The following HMBOX1 variants were observed in gnomAD, a reference collection of about 807,000 sequenced individuals.
The protein encoded by HMBOX1 is homeobox-containing protein 1.
HMBOX1 carries 14 observed loss-of-function variants against 54.5 expected under a neutral mutation model. That is an observed-to-expected ratio of 0.26 (90% CI 0.17 to 0.40). HMBOX1 has a LOEUF of 0.40. Ranked by LOEUF, HMBOX1 falls within the 10% of genes least tolerant of loss-of-function variation. The probability of loss-of-function intolerance (pLI) is 1.00; values close to 1 mark genes in which losing one functional copy is unlikely to be tolerated. For synonymous variants in HMBOX1, 160 were observed against 181.0 expected, an observed-to-expected ratio of 0.88 and a Z score of 0.93; for missense variants, 332 against 514.4, an observed-to-expected ratio of 0.65 and a Z score of 3.43.
intron 1 of HMBOX1, among the ~76,000 whole-genome samples, chr8:28,943,555 G>A (rs912734692): frequency 4.6e-5 from 7 of 152,180 alleles, no homozygotes; most frequent in African/African-American, 9.7e-5. Flanking sequence ...TTTCAGGAAG[G>A]AAAGGAAGGT....
At chr8:28,991,523 G>A (rs574497295) in intron 4 of HMBOX1, among the ~76,000 whole-genome samples, 2 of 152,228 alleles carry the variant, frequency 1.3e-5, no homozygotes, top group South Asian at 2.1e-4. Flanking sequence ...TGAACATGTC[G>A]ATTTTAAAGT....
At chr8:28,951,161 T>G (rs1432759180) in intron 1 of HMBOX1, among the ~76,000 whole-genome samples, 2 of 152,186 alleles carry the variant, frequency 1.3e-5, no homozygotes, top group Non-Finnish European at 1.5e-5. Context: ...TTGAGCAGAG[T>G]CTCACTCTGT....
At chr8:29,044,339 A>C (rs1265030593) in intron 6 of HMBOX1, among the ~76,000 whole-genome samples, 1 of 152,204 alleles carries the variant, frequency 6.6e-6, no homozygotes, top group East Asian at 1.9e-4. Flanking sequence ...TTCCAAGTTG[A>C]AACCATGAAA....
At chr8:28,976,906 A>C (rs1586220572) in intron 3 of HMBOX1, among the ~76,000 whole-genome samples, 1 of 152,060 alleles carries the variant, frequency 6.6e-6, no homozygotes, top group African/African-American at 2.4e-5. Context: ...ACGAGGTCTC[A>C]TCATGTTGGC....
Position 28,899,225 on chromosome 8 carries a change from G to C in HMBOX1, c.-58+8547G>C, listed in dbSNP as rs952336822. Among the ~76,000 whole-genome samples the C allele has an allele frequency of 2.0e-5, 3 of 152,148 alleles. 1 individual carries two copies. Among genetic ancestry groups the C allele is most frequent in the Admixed American group, 2.0e-4 (3 of 15,280 alleles). On this transcript the variant is annotated intron_variant, in intron 1 of 9. Transcript: ENST00000287701. ...CATGAACGTACTATCTCTACAGTTT[G>C]GATCACTAACCTACTAAGCATGAAA... is the stretch of plus-strand genomic sequence containing the variant.
At chr8:28,950,705 A>T (rs1036035682) in intron 1 of HMBOX1, among the ~76,000 whole-genome samples, 1 of 152,212 alleles carries the variant, frequency 6.6e-6, no homozygotes, top group Non-Finnish European at 1.5e-5. Flanking sequence ...AACTGTATAG[A>T]GGTAGAGATG....
intron 1 of HMBOX1, among the ~76,000 whole-genome samples, chr8:28,963,362 G>A (rs1007480241): frequency 6.6e-6 from 1 of 152,094 alleles, no homozygotes; most frequent in African/African-American, 2.4e-5. Flanking sequence ...AATATGAAAG[G>A]TTTCTAACTT....
chr8:28,977,957 A>G (rs1253071067), intron 3 of HMBOX1, among the ~76,000 whole-genome samples: 1 of 150,704 alleles, frequency 6.6e-6, no homozygotes, highest in African/African-American at 2.5e-5. Flanking sequence ...AAAAAAAAAA[A>G]AGAAAGAAAG....
intron 5 of HMBOX1, among the ~76,000 whole-genome samples, chr8:29,018,074 G>C (rs1030146064): frequency 1.3e-5 from 2 of 152,148 alleles, no homozygotes; most frequent in Non-Finnish European, 2.9e-5. Context: ...AGAAGAGTGG[G>C]GTAGCCAGGG....
At chr8:28,973,809 T>TTTTTTGTTTTG (rs1563501599) in intron 3 of HMBOX1, among the ~76,000 whole-genome samples, 1 of 11,234 alleles carries the variant, frequency 8.9e-5, no homozygotes, top group Non-Finnish European at 1.8e-4. Context: ...TGGAGTTTTT[T>TTTTTTGTTTTG]TTTTTTTTTT....
intron 1 of HMBOX1, among the ~76,000 whole-genome samples, chr8:28,900,764 T>C (rs1813102754): frequency 1.3e-5 from 2 of 152,202 alleles, no homozygotes; most frequent in Admixed American, 6.5e-5. Context: ...TCCTTTATTC[T>C]AATTTTCTGG....
intron 6 of HMBOX1, among the ~76,000 whole-genome samples, chr8:29,023,728 A>C (rs979552691): frequency 6.6e-6 from 1 of 152,152 alleles, no homozygotes; most frequent in Admixed American, 6.5e-5. Flanking sequence ...AAGATTGATC[A>C]GTGAATTCAG....
At position 29,008,988 on chromosome 8, in the gene HMBOX1, C is replaced by A. The variant is rs1402007459; in HGVS notation, c.587-84C>A. 3 of 1,021,058 alleles carry A rather than the reference C, an allele frequency of 2.9e-6. No individual in the cohort carries two copies. The East Asian group carries it at 7.2e-5, about 25-fold the overall frequency. The allele number at this position is 1,021,058 out of a possible 1,614,324, so 63.2% of individuals were successfully genotyped here. On this transcript the variant is annotated intron_variant, in intron 4 of 9. Coordinates refer to ENST00000287701, the MANE Select transcript of HMBOX1 (RefSeq NM_001135726.3). ...TGGACTGGACACAGAGAATAAAGCA[C>A]CCAGTAACCTAGAACCAAAAGATCC...
intron 1 of HMBOX1, chr8:28,924,537 CCT>C (rs1487429441): frequency 6.6e-6 from 1 of 151,294 alleles, no homozygotes. Context: ...AAGATTTTCC[CCT>C]GTTTTCTTCT....
At chr8:28,994,640 A>G (rs1831519076) in intron 4 of HMBOX1, among the ~76,000 whole-genome samples, 1 of 152,220 alleles carries the variant, frequency 6.6e-6, no homozygotes, top group Admixed American at 6.5e-5. Context: ...AAAAATTTTA[A>G]GCATATATCC....
intron 3 of HMBOX1, among the ~76,000 whole-genome samples, chr8:28,973,364 G>A (rs1827767842): frequency 6.6e-6 from 1 of 152,078 alleles, no homozygotes; most frequent in South Asian, 2.1e-4. Context: ...TTTCATATCT[G>A]TAGATTTTAA....
At chr8:28,977,977 T>C (rs1489256635) in intron 3 of HMBOX1, among the ~76,000 whole-genome samples, 1 of 151,808 alleles carries the variant, frequency 6.6e-6, no homozygotes, top group Non-Finnish European at 1.5e-5. Flanking sequence ...GAAAGAAATA[T>C]TTCAAATATA....
chr8:28,930,509 T>C (rs1819306358), intron 1 of HMBOX1, among the ~76,000 whole-genome samples: 1 of 152,238 alleles, frequency 6.6e-6, no homozygotes, highest in Non-Finnish European at 1.5e-5. Context: ...CTTGTGCTGC[T>C]GTTTTGGTAG....
At chr8:29,044,059 G>A (rs1355782631) in intron 6 of HMBOX1, among the ~76,000 whole-genome samples, 1 of 152,128 alleles carries the variant, frequency 6.6e-6, no homozygotes, top group African/African-American at 2.4e-5. Context: ...TGCATCAGAT[G>A]AGGTTAAATA....
Sources: gnomAD v4.1 joint callset for allele counts (sites outside exome capture counted in the v4.1 genomes callset) on GRCh38, gnomAD v4.1.1 for gene constraint, MANE v1.5 for transcripts, NCBI Gene and HGNC (gene_info 2026-07-23, HGNC 2026-07-21) for gene names.